The following ZBTB20 variants were observed in gnomAD, a reference collection of about 807,000 sequenced individuals.
ZBTB20 encodes zinc finger and BTB domain-containing protein 20.
ZBTB20 carries 9 observed loss-of-function variants against 56.9 expected under a neutral mutation model. The observed-to-expected ratio is 0.16, with a 90% CI of 0.10 to 0.28. The LOEUF is 0.28. Among genes scored for constraint, ZBTB20 ranks in the 10% least tolerant of loss-of-function variants. ZBTB20 has a pLI of 1.00. For missense variants in ZBTB20, 655 were observed against 1,003.0 expected, an observed-to-expected ratio of 0.65 and a Z score of 4.69; for synonymous variants, 417 against 420.7, an observed-to-expected ratio of 0.99 and a Z score of 0.11.
intron 7 of ZBTB20, among the ~76,000 whole-genome samples, chr3:114,466,683 A>G (rs2092567707): frequency 6.6e-6 from 1 of 152,230 alleles, no homozygotes; most frequent in Non-Finnish European, 1.5e-5. Context: ...ATCACAACAC[A>G]TGTGCAATGC....
chr3:114,822,664 C>T (rs2073318672), intron 4 of ZBTB20, among the ~76,000 whole-genome samples: 1 of 151,874 alleles, frequency 6.6e-6, no homozygotes, highest in Non-Finnish European at 1.5e-5. Flanking sequence ...GAATCTTCAC[C>T]AAATGAGAAA....
intron 5 of ZBTB20, among the ~76,000 whole-genome samples, chr3:114,784,630 T>C (rs2070359535): frequency 6.6e-6 from 1 of 152,196 alleles, no homozygotes; most frequent in Non-Finnish European, 1.5e-5. Context: ...TTAATCAATA[T>C]TATAAATTAT....
intron 4 of ZBTB20, among the ~76,000 whole-genome samples, chr3:114,892,778 G>A (rs959719571): frequency 5.3e-5 from 8 of 152,182 alleles, no homozygotes; most frequent in African/African-American, 1.9e-4. Context: ...AGATCCATAG[G>A]TTGCAAGGAG....
At chr3:114,947,532 T>C (rs1038923066) in intron 3 of ZBTB20, among the ~76,000 whole-genome samples, 2 of 146,026 alleles carry the variant, frequency 1.4e-5, no homozygotes, top group Non-Finnish European at 2.9e-5. Context: ...GAGGCCACTA[T>C]TGTAAGTGAA....
At chr3:115,055,060 T>C (rs2081707473) in intron 2 of ZBTB20, among the ~76,000 whole-genome samples, 1 of 152,136 alleles carries the variant, frequency 6.6e-6, no homozygotes, top group Admixed American at 6.6e-5. Context: ...GACAAAGCCA[T>C]GTACACAATG....
At chr3:114,734,130 C>T (rs1376095536) in intron 5 of ZBTB20, among the ~76,000 whole-genome samples, 2 of 151,588 alleles carry the variant, frequency 1.3e-5, no homozygotes, top group African/African-American at 2.4e-5. Context: ...GGTCCCCAGA[C>T]TTACAAAGAG....
In ZBTB20 at chr3:114,778,101, G is replaced by C. The variant is rs1180416740; in HGVS notation, c.-343+23000C>G. On this transcript the variant is annotated intron_variant, in intron 5 of 11. Coordinates refer to ENST00000675478, the MANE Select transcript of ZBTB20 (RefSeq NM_001348800.3). ...CACACACTGGGGACTGTTGTGGGGT[G>C]GGGGGAAGGGGGAGGGATAGCATTA... Among the ~76,000 whole-genome samples, 3 of 111,044 alleles carry C rather than the reference G, an allele frequency of 2.7e-5. No homozygotes were observed. In the East Asian group the frequency reaches 1.0e-3, roughly 39 times the overall value. The allele number at this position is 111,044 out of a possible 152,430, so 72.8% of individuals were successfully genotyped here.
At position 115,075,489 on chromosome 3, in the gene ZBTB20, C is replaced by A. The variant is rs572142576; in HGVS notation, c.-702-4075G>T. 2.0e-5 allele frequency among the ~76,000 whole-genome samples: 3 copies of A among 152,104 alleles called. No homozygotes were observed. The East Asian group carries it at 5.8e-4, about 29-fold the overall frequency. Reference sequence around the variant, plus strand: ...TTTTTAAAGACTGAATAATATTCCACTGTGTATATATACCATTTTCCTTAT... The same window carrying A: ...TTTTTAAAGACTGAATAATATTCCAATGTGTATATATACCATTTTCCTTAT... On this transcript the variant is annotated intron_variant, in intron 1 of 11. Coordinates refer to ENST00000675478, the MANE Select transcript of ZBTB20 (RefSeq NM_001348800.3).
intron 4 of ZBTB20, among the ~76,000 whole-genome samples, chr3:114,848,287 G>C (rs1469142327): frequency 1.3e-5 from 2 of 152,112 alleles, no homozygotes; most frequent in Non-Finnish European, 2.9e-5. Flanking sequence ...CAGAAAATGG[G>C]CACTCCATGT....
At chr3:114,913,492 C>T (rs2075623514) in intron 3 of ZBTB20, among the ~76,000 whole-genome samples, 1 of 151,910 alleles carries the variant, frequency 6.6e-6, no homozygotes, top group Non-Finnish European at 1.5e-5. Context: ...TAATCACTGT[C>T]AGATGGACAT....
chr3:115,043,509 C>T (rs894754348), intron 2 of ZBTB20, among the ~76,000 whole-genome samples: 2 of 151,234 alleles, frequency 1.3e-5, no homozygotes, highest in Non-Finnish European at 2.9e-5. Flanking sequence ...GCAGAGGTTG[C>T]ACTGAGCCGA....
chr3:114,416,193 C>T (rs1025450421), intron 7 of ZBTB20, among the ~76,000 whole-genome samples: 1 of 151,740 alleles, frequency 6.6e-6, no homozygotes, highest in Non-Finnish European at 1.5e-5. Flanking sequence ...AATCACATGC[C>T]AGAATTTTGC....
chr3:114,676,753 A>C (rs2061649648), intron 6 of ZBTB20, among the ~76,000 whole-genome samples: 1 of 148,312 alleles, frequency 6.7e-6, no homozygotes. Flanking sequence ...TTCTCCCTCT[A>C]AGCCTCTGAA....
At chr3:114,535,232 A>T (rs919254259) in intron 6 of ZBTB20, among the ~76,000 whole-genome samples, 1 of 152,188 alleles carries the variant, frequency 6.6e-6, no homozygotes, top group Non-Finnish European at 1.5e-5. Context: ...AACAAAGCAG[A>T]TAGACCGCTA....
chr3:114,908,019 G>C (rs1475238870), intron 3 of ZBTB20, among the ~76,000 whole-genome samples: 1 of 151,912 alleles, frequency 6.6e-6, no homozygotes, highest in Non-Finnish European at 1.5e-5. Context: ...TCACATTCAA[G>C]TGAAGACCCA....
chr3:114,366,347 C>A (rs1002576565), intron 10 of ZBTB20, among the ~76,000 whole-genome samples: 3 of 151,240 alleles, frequency 2.0e-5, no homozygotes, highest in African/African-American at 7.3e-5. Flanking sequence ...TTCTTGGTTA[C>A]AATGTGGAGA....
chr3:114,691,824 T>G (rs2062714631), intron 6 of ZBTB20, among the ~76,000 whole-genome samples: 1 of 152,130 alleles, frequency 6.6e-6, no homozygotes, highest in Admixed American at 6.6e-5. Context: ...TTTCTTCATT[T>G]TACTCCTATG....
intron 1 of ZBTB20, among the ~76,000 whole-genome samples, chr3:115,084,573 A>G (rs971381450): frequency 1.3e-5 from 2 of 151,986 alleles, no homozygotes; most frequent in Non-Finnish European, 2.9e-5. Context: ...TTGTTTTTTT[A>G]AAAGATTAAT....
chr3:114,777,673 G>A (rs1437046257), intron 5 of ZBTB20, among the ~76,000 whole-genome samples: 2 of 152,158 alleles, frequency 1.3e-5, no homozygotes, highest in Non-Finnish European at 2.9e-5. Context: ...CAACCATTGT[G>A]GAAGTCGGTG....
Sources: gnomAD v4.1 joint callset for allele counts (sites outside exome capture counted in the v4.1 genomes callset) on GRCh38, gnomAD v4.1.1 for gene constraint, MANE v1.5 for transcripts, NCBI Gene and HGNC (gene_info 2026-07-23, HGNC 2026-07-21) for gene names.